KDM2A: variants seen among roughly 807,000 people sequenced by gnomAD.
The protein encoded by KDM2A is lysine demethylase 2A, also known as lysine-specific demethylase 2A.
Under a neutral mutation model 137.3 loss-of-function variants are expected in KDM2A, and 3 were observed. The ratio of observed to expected loss-of-function variants is 0.02; its 90% CI spans 0.01 to 0.06. The LOEUF is 0.06. Ranked by LOEUF, KDM2A falls within the 10% of genes least tolerant of loss-of-function variation. KDM2A has a pLI of 1.00. For missense variants in KDM2A, 738 were observed against 1,510.6 expected, an observed-to-expected ratio of 0.49 and a Z score of 8.48; for synonymous variants, 512 against 541.5, an observed-to-expected ratio of 0.95 and a Z score of 0.76.
In KDM2A at chr11:67,142,118, A is replaced by T. The variant is rs183140310; in HGVS notation, c.42+20760A>T. 7.2e-5 allele frequency among the ~76,000 whole-genome samples: 11 copies of T among 151,944 alleles called. No homozygotes were observed. In the East Asian group the frequency reaches 2.1e-3, roughly 30 times the overall value. On this transcript the variant is annotated intron_variant, in intron 2 of 20. Transcript: ENST00000529006. The stretch of plus-strand genomic sequence containing the variant: ...CAGTGGCACGATCTCCGCTCACTGC[A>T]ACCTCCACTTCCCAGGTTCAAATGA...
intron 12 of KDM2A, among the ~76,000 whole-genome samples, chr11:67,232,930 G>C (rs776550109): frequency 6.6e-6 from 1 of 151,610 alleles, no homozygotes; most frequent in African/African-American, 2.4e-5. Context: ...GGCTGGTCTC[G>C]AACTCTTGAC....
At position 67,155,987 on chromosome 11, in the gene KDM2A, G is replaced by T. The variant is rs368687199; in HGVS notation, c.43-24092G>T. On this transcript the variant is annotated intron_variant, in intron 2 of 20. Transcript: ENST00000529006. ...AGGAAGGGCGGGGCGCAGGGCTCACGCCTGTAATCCCAGCACTTTGGGAGG... is the reference window on the plus strand; with the variant it reads ...AGGAAGGGCGGGGCGCAGGGCTCACTCCTGTAATCCCAGCACTTTGGGAGG... Among the ~76,000 whole-genome samples the T allele has an allele frequency of 1.8e-4, 25 of 142,106 alleles. No individual in the cohort carries two copies. In the South Asian group the frequency reaches 6.2e-3, roughly 35 times the overall value. 93.2% of individuals were successfully genotyped at this position (142,106 alleles called of 152,430 possible).
At chr11:67,201,234 G>GTGTGTGTA (rs555985556) in intron 5 of KDM2A, among the ~76,000 whole-genome samples, 3,408 of 145,588 alleles carry the variant, frequency 0.023, 61 homozygotes, top group Middle Eastern at 0.038. Flanking sequence ...GTGTGTGTGT[G>GTGTGTGTA]TATATATATA....
chr11:67,172,177 G>A (rs532971280), intron 2 of KDM2A, among the ~76,000 whole-genome samples: 15 of 151,992 alleles, frequency 9.9e-5, no homozygotes, highest in African/African-American at 3.4e-4. Context: ...TTTTGTAGAG[G>A]CAGTGGCTGG....
At chr11:67,175,006 A>G (rs1002682335) in intron 2 of KDM2A, among the ~76,000 whole-genome samples, 3 of 152,188 alleles carry the variant, frequency 2.0e-5, no homozygotes, top group African/African-American at 4.8e-5. Flanking sequence ...GAATAAAAGC[A>G]TAGCATGCTA....
intron 15 of KDM2A, among the ~76,000 whole-genome samples, chr11:67,247,721 G>A (rs11227751): frequency 0.032 from 4,825 of 152,146 alleles, 118 homozygotes; most frequent in African/African-American, 0.07. Flanking sequence ...CACCATGCCC[G>A]GCCAACTTTA....
At chr11:67,208,952 G>C (rs943790109) in intron 6 of KDM2A, among the ~76,000 whole-genome samples, 1 of 148,894 alleles carries the variant, frequency 6.7e-6, no homozygotes, top group Non-Finnish European at 1.5e-5. Flanking sequence ...TTTTTTTTTT[G>C]AGGCCGAGTC....
intron 6 of KDM2A, among the ~76,000 whole-genome samples, chr11:67,212,320 T>C (rs1195954226): frequency 6.6e-6 from 1 of 152,096 alleles, no homozygotes; most frequent in African/African-American, 2.4e-5. Flanking sequence ...TTTGTAAAAG[T>C]AGGTTCCGGG....
intron 5 of KDM2A, chr11:67,196,251 C>T (rs1158143193): frequency 2.2e-6 from 1 of 456,170 alleles, no homozygotes; most frequent in South Asian, 1.5e-5. Flanking sequence ...TGCAGGCTAC[C>T]ACTGCTGCCA....
chr11:67,252,958 TGTAGGGCAGC>T, intron 18 of KDM2A, 101 bp downstream of exon 18: 1 of 1,275,044 alleles, frequency 7.8e-7, no homozygotes. Flanking sequence ...TGGAGGGCAG[TGTAGGGCAGC>T]AGTCCCATGC....
intron 16 of KDM2A, chr11:67,248,585 A>G (rs1859318536): frequency 2.1e-6 from 1 of 485,728 alleles, no homozygotes; most frequent in Non-Finnish European, 3.7e-6. Flanking sequence ...ATGTTGTTCC[A>G]CTTGGGATCT....
intron 10 of KDM2A, among the ~76,000 whole-genome samples, chr11:67,221,970 T>A (rs1858366841): frequency 6.9e-6 from 1 of 145,728 alleles, no homozygotes; most frequent in African/African-American, 2.5e-5. Flanking sequence ...TATTCTAAAA[T>A]AGGTAAATAT....
intron 11 of KDM2A, among the ~76,000 whole-genome samples, chr11:67,230,870 T>G (rs1197745466): frequency 1.3e-5 from 2 of 152,214 alleles, no homozygotes. Context: ...TCACTTTGTT[T>G]TGTTACTTAT....
chr11:67,202,970 G>A (rs1387709342), intron 5 of KDM2A, among the ~76,000 whole-genome samples: 1 of 151,090 alleles, frequency 6.6e-6, no homozygotes, highest in Non-Finnish European at 1.5e-5. Flanking sequence ...ACTCCAGCCT[G>A]GGCAACAGAG....
intron 6 of KDM2A, among the ~76,000 whole-genome samples, chr11:67,212,416 C>T (rs1359333409): frequency 6.6e-6 from 1 of 152,038 alleles, no homozygotes; most frequent in Admixed American, 6.6e-5. Context: ...TTTAGTGCTG[C>T]CATTCCAGCA....
intron 12 of KDM2A, among the ~76,000 whole-genome samples, chr11:67,237,552 C>T (rs944439653): frequency 4.6e-5 from 7 of 152,070 alleles, no homozygotes; most frequent in African/African-American, 1.7e-4. Context: ...CCTGCCTCGA[C>T]CTCCCAAGTG....
rs746832356 is a variant in KDM2A at position 67,250,414 on chromosome 11, G to A, written c.2384G>A (p.Arg795Gln). ...ELSEVEKAKI[R>Q]GSYLTVTLQR... is the part of the protein sequence containing the mutation. Reference sequence around the variant, plus strand: ...TCTGAAGTTGAGAAAGCCAAGATCCGGGGATCGTACCTCACTGTCACGCTA... The same window carrying A: ...TCTGAAGTTGAGAAAGCCAAGATCCAGGGATCGTACCTCACTGTCACGCTA... The change falls in exon 17 of 21, where the codon CGG (arginine) becomes CAG (glutamine). Residue 795 changes from arginine to glutamine, a missense_variant. By Grantham distance (43) the Arg-to-Gln change is conservative. This residue lies in a region of KDM2A where 244 missense variants were observed against 324.6 expected (regional missense o/e 0.75). Coordinates refer to ENST00000529006, the MANE Select transcript of KDM2A (RefSeq NM_012308.3). This position sits in a 1 kb window ranked among gnomAD's most constrained non-coding sequence, Gnocchi z 7.1. The A allele has an allele frequency of 2.5e-6, 4 of 1,613,894 alleles. No homozygotes were observed. The highest frequency in any genetic ancestry group is 1.7e-5 in the Admixed American group (1 of 60,004).
At chr11:67,134,936 G>T (rs1170417113) in intron 2 of KDM2A, among the ~76,000 whole-genome samples, 1 of 152,100 alleles carries the variant, frequency 6.6e-6, no homozygotes, top group Non-Finnish European at 1.5e-5. Context: ...TAACTTCATG[G>T]TCATGACAAT....
chr11:67,245,806 C>T lies in KDM2A; in HGVS notation c.1834-179C>T. On this transcript the variant is annotated intron_variant, in intron 14 of 20. Coordinates refer to ENST00000529006, the MANE Select transcript of KDM2A (RefSeq NM_012308.3). The surrounding 1 kb of genome is among the most constrained non-coding windows in gnomAD (Gnocchi z 4.1). Reference sequence around the variant, plus strand: ...TCTCTGGTGCCCAGGTGGTTGAGTCCTCCTCTTCCCCAGTCATTTTTCCTA... The same window carrying T: ...TCTCTGGTGCCCAGGTGGTTGAGTCTTCCTCTTCCCCAGTCATTTTTCCTA... The T allele has an allele frequency of 1.4e-6, 1 of 710,042 alleles. No individual in the cohort carries two copies. The highest frequency in any genetic ancestry group is 2.3e-6 in the Non-Finnish European group (1 of 440,564). 44.0% of individuals were successfully genotyped at this position (710,042 alleles called of 1,614,324 possible).
Sources: gnomAD v4.1 joint callset for allele counts (sites outside exome capture counted in the v4.1 genomes callset) on GRCh38, gnomAD v4.1.1 for gene constraint, gnomAD v4.1.1 regional missense constraint, Gnocchi (gnomAD v3.1) non-coding constraint, MANE v1.5 for transcripts, NCBI Gene and HGNC (gene_info 2026-07-23, HGNC 2026-07-21) for gene names.